The following SLC25A21 variants were observed in gnomAD, a reference collection of about 807,000 sequenced individuals.
The protein encoded by SLC25A21 is mitochondrial 2-oxodicarboxylate carrier.
Under a neutral mutation model 43.8 loss-of-function variants are expected in SLC25A21, and 47 were observed. The observed-to-expected ratio is 1.07, with a 90% CI of 0.85 to 1.37. The LOEUF (loss-of-function observed/expected upper bound fraction) is 1.37, where lower values mean the gene tolerates loss of function less well. Ranked by LOEUF, SLC25A21 falls within the 40% of genes most tolerant of loss-of-function variation. The probability of loss-of-function intolerance (pLI) is 0.00; values close to 1 mark genes in which losing one functional copy is unlikely to be tolerated. For missense variants in SLC25A21, 352 were observed against 350.2 expected (o/e 1.00, Z -0.04); for synonymous variants, 131 against 121.3 (o/e 1.08, Z -0.52).
Position 37,054,079 on chromosome 14 carries a change from A to T in SLC25A21, c.70+118202T>A, listed in dbSNP as rs144137236. On this transcript the variant is annotated intron_variant, in intron 1 of 9. Coordinates refer to ENST00000331299, the MANE Select transcript of SLC25A21 (RefSeq NM_030631.4). ...TGAGCAATACAATGAAGTGGAAACA[A>T]CATTCTTCAAAGTAACATCAAAGCC... Among the ~76,000 whole-genome samples, 546 of 152,302 alleles carry T rather than the reference A, an allele frequency of 3.6e-3. 3 individuals are homozygous for T. The highest frequency in any genetic ancestry group is 7.8e-3 in the African/African-American group (323 of 41,568).
intron 1 of SLC25A21, among the ~76,000 whole-genome samples, chr14:37,120,680 C>G (rs774991406): frequency 6.6e-6 from 1 of 152,048 alleles, no homozygotes; most frequent in Admixed American, 6.6e-5. Flanking sequence ...AGTTACCGGG[C>G]ATGTCAGCTC....
In SLC25A21 at chr14:36,846,769, G is replaced by T. The variant is rs556201135; in HGVS notation, c.119+28187C>A. Among the ~76,000 whole-genome samples, 24 of 152,268 alleles carry T rather than the reference G, an allele frequency of 1.6e-4. 1 individual carries two copies. In the South Asian group the frequency reaches 5.0e-3, roughly 32 times the overall value. ...AATATATAGCAAATGTCAGACACAG[G>T]TCTAGTCCTGGTGACACAGGAGTGA... is the stretch of plus-strand genomic sequence containing the variant. On this transcript the variant is annotated intron_variant, in intron 2 of 9. Coordinates refer to ENST00000331299, the MANE Select transcript of SLC25A21 (RefSeq NM_030631.4).
chr14:36,764,791 G>A (rs1886350404), intron 3 of SLC25A21, among the ~76,000 whole-genome samples: 1 of 152,130 alleles, frequency 6.6e-6, no homozygotes, highest in Admixed American at 6.5e-5. Flanking sequence ...AATGGGAGGC[G>A]GTGCCCCTAA....
intron 3 of SLC25A21, among the ~76,000 whole-genome samples, chr14:36,764,143 G>GGAAAGAAGGAAAGAAA (rs1555326633): frequency 1.2e-3 from 39 of 33,830 alleles, no homozygotes; most frequent in African/African-American, 2.9e-3. Context: ...AAGGAAAGAA[G>GGAAAGAAGGAAAGAAA]GAAAGAAAGA....
intron 1 of SLC25A21, among the ~76,000 whole-genome samples, chr14:37,038,462 C>T (rs529862529): frequency 1.1e-4 from 17 of 152,246 alleles, no homozygotes; most frequent in African/African-American, 4.1e-4. Flanking sequence ...ATAAAAACAG[C>T]AAAATGTGAC....
chr14:36,918,897 T>C (rs1260057562), intron 1 of SLC25A21, among the ~76,000 whole-genome samples: 3 of 152,050 alleles, frequency 2.0e-5, no homozygotes, highest in Non-Finnish European at 4.4e-5. Flanking sequence ...AATTTTTCTT[T>C]CTCTCTCTCT....
chr14:36,698,735 A>G (rs1435170299), intron 7 of SLC25A21, among the ~76,000 whole-genome samples: 1 of 152,044 alleles, frequency 6.6e-6, no homozygotes, highest in Non-Finnish European at 1.5e-5. Context: ...ATGCATCATG[A>G]AGTTCTCGTG....
At chr14:37,170,794 C>T (rs534022059) in intron 1 of SLC25A21, among the ~76,000 whole-genome samples, 5 of 151,562 alleles carry the variant, frequency 3.3e-5, no homozygotes, top group Non-Finnish European at 7.4e-5. Flanking sequence ...CCCACCTCCC[C>T]AAAAAACTAG....
At chr14:37,041,226 A>C (rs1961464408) in intron 1 of SLC25A21, among the ~76,000 whole-genome samples, 1 of 152,186 alleles carries the variant, frequency 6.6e-6, no homozygotes, top group African/African-American at 2.4e-5. Context: ...GATGTGCCTT[A>C]AACTTTCAGT....
chr14:36,704,436 A>C (rs1263927899), intron 7 of SLC25A21, among the ~76,000 whole-genome samples: 1 of 152,172 alleles, frequency 6.6e-6, no homozygotes, highest in Non-Finnish European at 1.5e-5. Context: ...AGGTGGGTGG[A>C]TCATGAGGTC....
chr14:36,766,543 C>T (rs548837546), intron 3 of SLC25A21, among the ~76,000 whole-genome samples: 255 of 152,264 alleles, frequency 1.7e-3, no homozygotes, highest in Middle Eastern at 6.8e-3. Flanking sequence ...CTGACTTGAT[C>T]TTAATCCTTT....
At chr14:37,032,674 A>AAAAAAAAAC (rs1265443599) in intron 1 of SLC25A21, among the ~76,000 whole-genome samples, 2 of 151,474 alleles carry the variant, frequency 1.3e-5, no homozygotes, top group Non-Finnish European at 2.9e-5. Context: ...CTGTCTCAAA[A>AAAAAAAAAC]AAAAAAAAAA....
intron 3 of SLC25A21, among the ~76,000 whole-genome samples, chr14:36,785,860 T>C (rs1018444596): frequency 4.6e-5 from 7 of 152,194 alleles, no homozygotes; most frequent in Non-Finnish European, 8.8e-5. Flanking sequence ...AGTCCCACCA[T>C]GGTTAAGTTG....
intron 1 of SLC25A21, among the ~76,000 whole-genome samples, chr14:37,168,341 TCA>T (rs1964066448): frequency 6.6e-6 from 1 of 152,208 alleles, no homozygotes; most frequent in African/African-American, 2.4e-5. Context: ...GATGTACGCA[TCA>T]GTTTCTTCTG....
chr14:37,053,570 C>G (rs771704477), intron 1 of SLC25A21, among the ~76,000 whole-genome samples: 5 of 152,096 alleles, frequency 3.3e-5, no homozygotes, highest in Non-Finnish European at 7.4e-5. Flanking sequence ...ATTTTCTTAA[C>G]TCATCTCATA....
At chr14:37,094,252 T>C (rs1962643391) in intron 1 of SLC25A21, among the ~76,000 whole-genome samples, 1 of 152,112 alleles carries the variant, frequency 6.6e-6, no homozygotes, top group Admixed American at 6.6e-5. Flanking sequence ...CTGTGATCAA[T>C]CTCCGCTCAC....
At chr14:36,747,412 G>A (rs1028022405) in intron 3 of SLC25A21, among the ~76,000 whole-genome samples, 3 of 152,190 alleles carry the variant, frequency 2.0e-5, no homozygotes, top group Non-Finnish European at 2.9e-5. Context: ...GTCTATGCCA[G>A]TTCTCTGTAC....
chr14:36,966,591 A>G (rs553799178), intron 1 of SLC25A21, among the ~76,000 whole-genome samples: 2 of 152,252 alleles, frequency 1.3e-5, no homozygotes, highest in South Asian at 2.1e-4. Flanking sequence ...TTCTTTCCCT[A>G]TCTACACACT....
intron 1 of SLC25A21, among the ~76,000 whole-genome samples, chr14:37,117,561 T>A (rs1046146803): frequency 2.6e-5 from 4 of 152,146 alleles, no homozygotes; most frequent in African/African-American, 7.2e-5. Context: ...TTTAATAGTA[T>A]CCTGGTATGA....
Sources: allele counts gnomAD v4.1 joint callset (sites outside exome capture counted in the v4.1 genomes callset), GRCh38; gene constraint gnomAD v4.1.1; transcripts MANE v1.5; gene names NCBI Gene and HGNC (gene_info 2026-07-23, HGNC 2026-07-21).